Variants in TTC28 observed in about 807,000 individuals in gnomAD.
TTC28 encodes the protein tetratricopeptide repeat protein 28.
TTC28 carries 61 observed loss-of-function variants against 198.0 expected under a neutral mutation model. That is an observed-to-expected ratio of 0.31 (90% CI 0.25 to 0.38). The LOEUF (loss-of-function observed/expected upper bound fraction) is 0.38. TTC28 is among the 10% of genes least tolerant of loss of function. The pLI is 1.00. For missense variants in TTC28, 2,678 were observed against 3,164.0 expected (o/e 0.85, Z 3.69); for synonymous variants, 1,171 against 1,297.8 (o/e 0.90, Z 2.10).
chr22:28,126,501 T>C (rs895118287), intron 6 of TTC28, among the ~76,000 whole-genome samples: 1 of 152,198 alleles, frequency 6.6e-6, no homozygotes, highest in Non-Finnish European at 1.5e-5. Context: ...GAAATGTCAG[T>C]TCTCAAGGTC....
At chr22:28,326,350 T>C (rs2045529961) in intron 2 of TTC28, among the ~76,000 whole-genome samples, 1 of 152,116 alleles carries the variant, frequency 6.6e-6, no homozygotes, top group African/African-American at 2.4e-5. Flanking sequence ...ATCTTAAGTC[T>C]AGTGGTAGTT....
intron 2 of TTC28, among the ~76,000 whole-genome samples, chr22:28,472,546 A>ATGTGTG (rs755019373): frequency 6.9e-4 from 61 of 89,038 alleles, no homozygotes; most frequent in Middle Eastern, 5.4e-3. Context: ...CAAAAAGAAA[A>ATGTGTG]TGTGTATGTG....
intron 5 of TTC28, among the ~76,000 whole-genome samples, chr22:28,273,240 A>G (rs1436914356): frequency 6.6e-6 from 1 of 152,224 alleles, no homozygotes; most frequent in African/African-American, 2.4e-5. Context: ...TATTTTATAT[A>G]CAATGGTCAA....
intron 21 of TTC28, among the ~76,000 whole-genome samples, chr22:27,987,556 C>T (rs1278199188): frequency 1.3e-5 from 2 of 152,050 alleles, no homozygotes; most frequent in Non-Finnish European, 2.9e-5. Flanking sequence ...ACATGGCGAA[C>T]CCCTGTGTCT....
chr22:27,990,763 C>A (rs928885019), intron 20 of TTC28, 26 bp downstream of exon 20: 2 of 1,549,710 alleles, frequency 1.3e-6, no homozygotes, highest in Admixed American at 3.9e-5. Context: ...CACCTGACAA[C>A]AGTTGCTACT....
At chr22:28,613,092 C>A (rs968950168) in intron 2 of TTC28, among the ~76,000 whole-genome samples, 2 of 151,722 alleles carry the variant, frequency 1.3e-5, no homozygotes, top group African/African-American at 4.8e-5. Context: ...GCTAGCCAGA[C>A]TAATGAAGAA....
chr22:28,534,000 G>C (rs1171198705), intron 2 of TTC28, among the ~76,000 whole-genome samples: 5 of 152,162 alleles, frequency 3.3e-5, no homozygotes, highest in Non-Finnish European at 5.9e-5. Flanking sequence ...ATAGGTATGG[G>C]CAAGGACTTC....
rs1463809217 is a variant in TTC28, at chr22:28,591,036, CACACATATATATATATATATAT to C, written c.381+38494_381+38515del. On this transcript the variant is annotated intron_variant, in intron 2 of 22. Transcript: ENST00000397906. ...ACACACACACACACACACACACACA[CACACATATATATATATATATAT>C]ATATATATATATATATATATATATA... 3.0e-3 allele frequency among the ~76,000 whole-genome samples: 88 copies of C among 29,306 alleles called. 1 individual carries two copies. In the East Asian group the frequency reaches 0.06, roughly 20 times the overall value. 19.2% of individuals were successfully genotyped at this position (29,306 alleles called of 152,430 possible).
chr22:28,051,114 T>G (rs1940069670), intron 12 of TTC28, among the ~76,000 whole-genome samples: 2 of 152,290 alleles, frequency 1.3e-5, no homozygotes, highest in South Asian at 4.1e-4. Context: ...GGGAAGTTAT[T>G]TTTCATATGG....
At chr22:28,090,109 TATA>T (rs1410292823) in intron 12 of TTC28, among the ~76,000 whole-genome samples, 6 of 150,854 alleles carry the variant, frequency 4.0e-5, no homozygotes, top group Non-Finnish European at 1.5e-5. Context: ...AAAGTTAAAG[TATA>T]ATAATAATAA....
chr22:28,096,952 G>A (rs886404194), intron 10 of TTC28, among the ~76,000 whole-genome samples: 3 of 151,966 alleles, frequency 2.0e-5, no homozygotes, highest in Non-Finnish European at 4.4e-5. Context: ...TTACAGGCAC[G>A]GGCCACCATT....
intron 12 of TTC28, among the ~76,000 whole-genome samples, chr22:28,035,450 C>T (rs530565997): frequency 6.6e-6 from 1 of 152,314 alleles, no homozygotes; most frequent in South Asian, 2.1e-4. Flanking sequence ...GCAGCCACTG[C>T]CTATAATCAT....
At chr22:28,118,697 G>A (rs189865441) in intron 6 of TTC28, among the ~76,000 whole-genome samples, 9 of 152,144 alleles carry the variant, frequency 5.9e-5, no homozygotes, top group Admixed American at 2.6e-4. Flanking sequence ...AGAAATTGCC[G>A]AATGATGCAT....
At chr22:28,283,627 GA>G (rs1296916912) in intron 5 of TTC28, among the ~76,000 whole-genome samples, 1 of 152,098 alleles carries the variant, frequency 6.6e-6, no homozygotes, top group Non-Finnish European at 1.5e-5. Flanking sequence ...AATTGATAAT[GA>G]TTATGATTCA....
intron 9 of TTC28, among the ~76,000 whole-genome samples, chr22:28,100,934 C>A (rs1942127251): frequency 6.6e-6 from 1 of 152,078 alleles, no homozygotes; most frequent in Non-Finnish European, 1.5e-5. Context: ...TAATGGGGAG[C>A]AATAGCAGTT....
chr22:28,432,068 G>A (rs184703338), intron 2 of TTC28, among the ~76,000 whole-genome samples: 55 of 152,038 alleles, frequency 3.6e-4, no homozygotes, highest in Admixed American at 2.8e-3. Context: ...GGCGGATCAC[G>A]AAGTCAGGAG....
intron 5 of TTC28, among the ~76,000 whole-genome samples, chr22:28,266,980 AAC>A (rs1368340576): frequency 6.6e-6 from 1 of 152,198 alleles, no homozygotes; most frequent in Non-Finnish European, 1.5e-5. Context: ...GGTGTTTATA[AAC>A]AGTCTGATTT....
At chr22:28,519,995 A>G (rs1280352791) in intron 2 of TTC28, among the ~76,000 whole-genome samples, 2 of 152,248 alleles carry the variant, frequency 1.3e-5, no homozygotes, top group African/African-American at 4.8e-5. Context: ...TCCTTTGAGT[A>G]TATCTGTAAA....
chr22:28,422,587 C>T (rs1217079169), intron 2 of TTC28, among the ~76,000 whole-genome samples: 6 of 151,684 alleles, frequency 4.0e-5, no homozygotes, highest in Admixed American at 6.6e-5. Flanking sequence ...TACAGGTGCC[C>T]GCCACCACGC....
Sources: allele counts gnomAD v4.1 joint callset (sites outside exome capture counted in the v4.1 genomes callset), GRCh38; gene constraint gnomAD v4.1.1; transcripts MANE v1.5; gene names NCBI Gene and HGNC (gene_info 2026-07-23, HGNC 2026-07-21).